The following NKAIN2 variants were observed in gnomAD, a reference collection of about 807,000 sequenced individuals.
NKAIN2 encodes sodium/potassium-transporting ATPase subunit beta-1-interacting protein 2.
NKAIN2 carries 14 observed loss-of-function variants against 32.6 expected under a neutral mutation model. The ratio of observed to expected loss-of-function variants is 0.43; its 90% CI spans 0.28 to 0.67. NKAIN2 has a LOEUF of 0.67. Among genes scored for constraint, NKAIN2 ranks in the 30% least tolerant of loss-of-function variants. NKAIN2 has a pLI of 0.17. For missense variants in NKAIN2, 198 were observed against 258.3 expected, an observed-to-expected ratio of 0.77 and a Z score of 1.60; for synonymous variants, 80 against 87.2, an observed-to-expected ratio of 0.92 and a Z score of 0.46.
intron 3 of NKAIN2, among the ~76,000 whole-genome samples, chr6:124,527,393 T>C (rs1486928759): frequency 1.3e-5 from 2 of 152,208 alleles, no homozygotes; most frequent in Non-Finnish European, 2.9e-5. Context: ...TTACTAGTTC[T>C]ACTTTCCAAA....
intron 1 of NKAIN2, among the ~76,000 whole-genome samples, chr6:124,015,833 A>G (rs1780544277): frequency 6.6e-6 from 1 of 152,260 alleles, no homozygotes; most frequent in Non-Finnish European, 1.5e-5. Flanking sequence ...GGTAAACTTA[A>G]TTATCGCAGT....
At chr6:124,192,704 A>G (rs144327219) in intron 1 of NKAIN2, among the ~76,000 whole-genome samples, 14 of 136,368 alleles carry the variant, frequency 1.0e-4, no homozygotes, top group African/African-American at 2.5e-4. Context: ...AATACTACCA[A>G]TTGTGGTGTT....
At chr6:124,029,384 G>T in intron 1 of NKAIN2, among the ~76,000 whole-genome samples, 1 of 148,662 alleles carries the variant, frequency 6.7e-6, no homozygotes. Flanking sequence ...AATATTTACC[G>T]TTCATTTTAT....
chr6:123,850,355 A>AAT (rs1554214466), intron 1 of NKAIN2, among the ~76,000 whole-genome samples: 227 of 133,480 alleles, frequency 1.7e-3, no homozygotes, highest in African/African-American at 4.2e-3. Flanking sequence ...AAAAAAAAAA[A>AAT]ATATATATAT....
rs9491103 is a variant in NKAIN2, at chr6:124,277,732, C to T, written c.55-5273C>T. On this transcript the variant is annotated intron_variant, in intron 1 of 6. Transcript: ENST00000368417. ...CTTGAGAGTTGAGTCAATCTGAAAG[C>T]TCAGATTCTTGAAGGGACCTGGAGA... Among the ~76,000 whole-genome samples, 958 of 152,094 alleles carry T rather than the reference C, an allele frequency of 6.3e-3. 13 individuals are homozygous for T. The highest frequency in any genetic ancestry group is 0.022 in the African/African-American group (928 of 41,484).
chr6:124,733,603 G>T (rs1157623901), intron 4 of NKAIN2, among the ~76,000 whole-genome samples: 1 of 151,830 alleles, frequency 6.6e-6, no homozygotes, highest in Non-Finnish European at 1.5e-5. Context: ...TAAATAGATG[G>T]AGAATGCTAA....
intron 1 of NKAIN2, among the ~76,000 whole-genome samples, chr6:123,961,465 T>C (rs995933795): frequency 5.1e-4 from 77 of 152,344 alleles, no homozygotes; most frequent in African/African-American, 1.7e-3. Context: ...GTTTCCGTTC[T>C]AGTCCACTCC....
At chr6:124,383,887 C>T (rs1020339227) in intron 3 of NKAIN2, among the ~76,000 whole-genome samples, 1 of 152,130 alleles carries the variant, frequency 6.6e-6, no homozygotes, top group Non-Finnish European at 1.5e-5. Flanking sequence ...CTTGGCTCTT[C>T]CTGAATGATC....
chr6:124,470,867 G>A (rs1317441947), intron 3 of NKAIN2, among the ~76,000 whole-genome samples: 1 of 152,146 alleles, frequency 6.6e-6, no homozygotes, highest in Non-Finnish European at 1.5e-5. Context: ...CTAAACTTAT[G>A]TTTTTCTTTT....
intron 2 of NKAIN2, among the ~76,000 whole-genome samples, chr6:124,312,645 A>G (rs1796770698): frequency 6.6e-6 from 1 of 152,180 alleles, no homozygotes; most frequent in African/African-American, 2.4e-5. Flanking sequence ...AGCTGCCTAG[A>G]GGCTCTTCAT....
chr6:124,347,410 G>T (rs543323904), intron 2 of NKAIN2, among the ~76,000 whole-genome samples: 2 of 152,164 alleles, frequency 1.3e-5, no homozygotes, highest in South Asian at 2.1e-4. Context: ...AGTTCTCCTG[G>T]ATAATATCCT....
At chr6:123,949,311 A>C (rs147348503) in intron 1 of NKAIN2, among the ~76,000 whole-genome samples, 1 of 151,908 alleles carries the variant, frequency 6.6e-6, no homozygotes, top group African/African-American at 2.4e-5. Context: ...TATGAATAGT[A>C]GTAGTATTTT....
chr6:124,772,251 G>A (rs987533114), intron 4 of NKAIN2, among the ~76,000 whole-genome samples: 2 of 152,150 alleles, frequency 1.3e-5, no homozygotes, highest in African/African-American at 2.4e-5. Context: ...AGAAACTTAG[G>A]GCTTTGTAGG....
intron 1 of NKAIN2, among the ~76,000 whole-genome samples, chr6:123,952,130 A>T (rs1032820896): frequency 9.2e-5 from 14 of 152,056 alleles, no homozygotes; most frequent in Admixed American, 6.6e-5. Flanking sequence ...GGGATAGACT[A>T]TATTTCTCCC....
At position 123,990,922 on chromosome 6, in the gene NKAIN2, C is replaced by T. The variant is rs151125426; in HGVS notation, c.54+186668C>T. Among the ~76,000 whole-genome samples, 75 of 152,238 alleles carry T rather than the reference C, an allele frequency of 4.9e-4. No individual in the cohort carries two copies. The Middle Eastern group carries it at 0.01, about 21-fold the overall frequency. ...CTATTACATCATTAAGAGTATGTCA[C>T]AGTTAGTTTCAATGAAATAATTAGC... On this transcript the variant is annotated intron_variant, in intron 1 of 6. Coordinates refer to ENST00000368417, the MANE Select transcript of NKAIN2 (RefSeq NM_001040214.3).
At chr6:124,613,124 A>G (rs552777749) in intron 3 of NKAIN2, among the ~76,000 whole-genome samples, 20 of 152,246 alleles carry the variant, frequency 1.3e-4, no homozygotes, top group African/African-American at 4.6e-4. Context: ...AGAATAGAAA[A>G]AGAAGAGTTT....
chr6:124,478,411 A>G (rs1407130496), intron 3 of NKAIN2, among the ~76,000 whole-genome samples: 1 of 152,214 alleles, frequency 6.6e-6, no homozygotes, highest in Non-Finnish European at 1.5e-5. Flanking sequence ...GGCTGATTCT[A>G]GATGTGCAAC....
At chr6:124,349,245 C>T (rs1214136962) in intron 2 of NKAIN2, among the ~76,000 whole-genome samples, 2 of 152,016 alleles carry the variant, frequency 1.3e-5, no homozygotes, top group African/African-American at 2.4e-5. Flanking sequence ...TACCCCCTCA[C>T]AGATTGAATC....
In NKAIN2 at chr6:124,709,525, T is replaced by C. The variant is rs961970009; in HGVS notation, c.474+51139T>C. On this transcript the variant is annotated intron_variant, in intron 4 of 6. Transcript: ENST00000368417. ...ATTGCCACAATTTCAGCTCCTGTTA[T>C]TGGTCTATTCAGAGATTCAACTTCT... 1.3e-4 allele frequency among the ~76,000 whole-genome samples: 20 copies of C among 151,338 alleles called. 1 individual carries two copies. Among genetic ancestry groups the C allele is most frequent in the African/African-American group, 3.9e-4 (16 of 41,256 alleles).
Sources: gnomAD v4.1 joint callset for allele counts (sites outside exome capture counted in the v4.1 genomes callset) on GRCh38, gnomAD v4.1.1 for gene constraint, MANE v1.5 for transcripts, NCBI Gene and HGNC (gene_info 2026-07-23, HGNC 2026-07-21) for gene names.